The following FBXO10 variants were observed in gnomAD, a reference collection of about 807,000 sequenced individuals.
FBXO10 encodes F-box protein 10.
FBXO10 carries 39 observed loss-of-function variants against 80.7 expected under a neutral mutation model. That is an observed-to-expected ratio of 0.48 (90% confidence interval 0.37 to 0.63). The LOEUF is 0.63. Ranked by LOEUF, FBXO10 falls within the 30% of genes least tolerant of loss-of-function variation. The probability of loss-of-function intolerance (pLI) is 0.00; values close to 1 mark genes in which losing one functional copy is unlikely to be tolerated. For synonymous variants in FBXO10, 449 were observed against 489.6 expected, an observed-to-expected ratio of 0.92 and a Z score of 1.09; for missense variants, 1,025 against 1,269.0, an observed-to-expected ratio of 0.81 and a Z score of 2.92.
intron 1 of FBXO10, among the ~76,000 whole-genome samples, chr9:37,548,995 G>A (rs138937158): frequency 2.6e-5 from 4 of 152,150 alleles, no homozygotes; most frequent in East Asian, 1.9e-4. Context: ...TGATCCACCC[G>A]CCTCGGCCTC....
In FBXO10 at chr9:37,536,976, GAT is replaced by G. The variant is rs1213131963; in HGVS notation, c.1419+132_1419+133del. On this transcript the variant is annotated intron_variant, in intron 3 of 10. Coordinates refer to ENST00000432825, the MANE Select transcript of FBXO10 (RefSeq NM_012166.3). Reference sequence around the variant, plus strand: ...AAGCGTTTCTGTCCTTTCCAAATCAGATGATGGGCATGACGTCAAGCGTGCGT... The same window carrying G: ...AAGCGTTTCTGTCCTTTCCAAATCAGGATGGGCATGACGTCAAGCGTGCGT... 2.0e-5 allele frequency: 13 copies of G among 657,588 alleles called. No homozygotes were observed. The East Asian group carries it at 3.7e-4, about 19-fold the overall frequency. The allele number at this position is 657,588 out of a possible 1,614,324, so 40.7% of individuals were successfully genotyped here.
chr9:37,562,083 G>T (rs1267994556), intron 1 of FBXO10, among the ~76,000 whole-genome samples: 2 of 152,186 alleles, frequency 1.3e-5, no homozygotes, highest in Non-Finnish European at 2.9e-5. Context: ...TGAGGCACTG[G>T]AAGGAAGGCT....
At chr9:37,557,428 G>C (rs1367484031) in intron 1 of FBXO10, among the ~76,000 whole-genome samples, 1 of 152,176 alleles carries the variant, frequency 6.6e-6, no homozygotes. Context: ...TCCTCACAAA[G>C]TCATTCTCAT....
At chr9:37,549,787 G>T (rs911287194) in intron 1 of FBXO10, among the ~76,000 whole-genome samples, 1 of 152,198 alleles carries the variant, frequency 6.6e-6, no homozygotes, top group African/African-American at 2.4e-5. Context: ...ACTGGATCCA[G>T]AGGCTTGCTC....
intron 1 of FBXO10, among the ~76,000 whole-genome samples, chr9:37,562,355 TTG>T: frequency 6.6e-6 from 1 of 152,232 alleles, no homozygotes; most frequent in South Asian, 2.1e-4. Context: ...ACAAATTCTT[TTG>T]TGTGAGTGGA....
chr9:37,569,376 C>A lies in FBXO10; in HGVS notation c.-7+6835G>T, dbSNP rs774540761. Among the ~76,000 whole-genome samples, 3 of 133,810 alleles carry A rather than the reference C, an allele frequency of 2.2e-5. No individual in the cohort carries two copies. In the Middle Eastern group the frequency reaches 0.013, roughly 582 times the overall value. The allele number at this position is 133,810 out of a possible 152,430, so 87.8% of individuals were successfully genotyped here. A position where few individuals can be genotyped will look rare whatever the true frequency, so the allele number is the denominator to read the frequency against. ...ATATTTGTATATGCACCTGATAATACGGCCTTACAGATATAAAGCAAAAAA... is the reference window on the plus strand; with the variant it reads ...ATATTTGTATATGCACCTGATAATAAGGCCTTACAGATATAAAGCAAAAAA... On this transcript the variant is annotated intron_variant, in intron 1 of 10. Coordinates refer to ENST00000432825, the MANE Select transcript of FBXO10 (RefSeq NM_012166.3).
chr9:37,514,334 G>A (rs1821131857), intron 10 of FBXO10, among the ~76,000 whole-genome samples: 1 of 152,128 alleles, frequency 6.6e-6, no homozygotes, highest in Admixed American at 6.5e-5. Flanking sequence ...GCTGGCATTG[G>A]CAAAGTCCGG....
rs151195878 is a variant in FBXO10 at position 37,511,720 on chromosome 9, C to G, written c.*827G>C. ...GCTTGGGAGGGTCAGTAAAGACCAG[C>G]GCTCATCCATGAGAACACAGATGCG... On this transcript the variant is annotated 3_prime_UTR_variant, in exon 11 of 11. Coordinates refer to ENST00000432825, the MANE Select transcript of FBXO10 (RefSeq NM_012166.3). 6.5e-6 allele frequency: 1 copy of G among 152,770 alleles called. No homozygotes were observed. Among genetic ancestry groups the G allele is most frequent in the South Asian group, 2.1e-4 (1 of 4,836 alleles). The allele number at this position is 152,770 out of a possible 1,614,324, so 9.5% of individuals were successfully genotyped here. A position where few individuals can be genotyped will look rare whatever the true frequency, so the allele number is the denominator to read the frequency against.
chr9:37,555,638 C>T (rs1822316260), intron 1 of FBXO10, among the ~76,000 whole-genome samples: 1 of 152,222 alleles, frequency 6.6e-6, no homozygotes, highest in Admixed American at 6.5e-5. Flanking sequence ...ACCTTGGCCT[C>T]CCAAAGCACT....
intron 1 of FBXO10, among the ~76,000 whole-genome samples, chr9:37,552,479 C>T (rs186617545): frequency 6.6e-6 from 1 of 152,006 alleles, no homozygotes; most frequent in Admixed American, 6.6e-5. Flanking sequence ...GTCAGGAGAT[C>T]GAGACCATCC....
In FBXO10 at chr9:37,521,632, C is replaced by T. The variant is rs767425878; in HGVS notation, c.2137G>A (p.Asp713Asn). Residue 713 changes from aspartate to asparagine, a missense_variant, in exon 8 of 11, where the codon GAC becomes AAC. Asp to Asn is a conservative substitution (Grantham distance 23). Around this residue, in one of 3 missense-constraint regions of FBXO10, gnomAD observed 478 missense variants for 667.8 expected, o/e 0.72. Transcript: ENST00000432825. ...LWETELEKEDDPLRRPITIAL... is the reference protein window; with the variant it reads ...LWETELEKEDNPLRRPITIAL... ...ATGGTGATGGGCCGGCGCAGTGGGT[C>T]GTCCTCCTTCTCCAGCTCTGTCTCC... The T allele has an allele frequency of 4.7e-5, 76 of 1,613,840 alleles. No individual in the cohort carries two copies. In the Middle Eastern group the frequency reaches 9.9e-4, roughly 21 times the overall value.
At chr9:37,546,337 A>C (rs1305641761) in intron 1 of FBXO10, among the ~76,000 whole-genome samples, 1 of 151,806 alleles carries the variant, frequency 6.6e-6, no homozygotes, top group African/African-American at 2.4e-5. Context: ...GAGGCAAGGT[A>C]CCAGAATAAA....
At chr9:37,566,346 C>T (rs1170222904) in intron 1 of FBXO10, among the ~76,000 whole-genome samples, 1 of 151,784 alleles carries the variant, frequency 6.6e-6, no homozygotes, top group African/African-American at 2.4e-5. Flanking sequence ...GTAATCCCAG[C>T]TACTTGGGAG....
In FBXO10 at chr9:37,529,263, G is replaced by A. The variant is rs758652858; in HGVS notation, c.1570-3C>T. The A allele has an allele frequency of 1.8e-5, 29 of 1,602,380 alleles. No homozygotes were observed. In the South Asian group the frequency reaches 2.0e-4, roughly 11 times the overall value. On this transcript the variant is annotated splice_region_variant and splice_polypyrimidine_tract_variant and intron_variant, in intron 4 of 10. Transcript: ENST00000432825. ...AGGCCATGGTGGATCTGGTTACACT[G>A]CAAGTGAAAATGAGACACCACAGAA...
intron 1 of FBXO10, among the ~76,000 whole-genome samples, chr9:37,571,739 A>ATATATATATATATATATG: frequency 7.0e-6 from 1 of 143,336 alleles, no homozygotes; most frequent in Non-Finnish European, 1.5e-5. Context: ...ATATATATAT[A>ATATATATATATATATATG]TATATATATT....
intron 1 of FBXO10, among the ~76,000 whole-genome samples, chr9:37,574,057 C>T (rs190251185): frequency 4.0e-4 from 61 of 152,292 alleles, no homozygotes; most frequent in Admixed American, 4.0e-3. Context: ...CTGTGAAAAG[C>T]AAGTGATGTC....
intron 1 of FBXO10, among the ~76,000 whole-genome samples, chr9:37,569,097 AC>A: frequency 1.3e-5 from 2 of 152,282 alleles, no homozygotes; most frequent in Non-Finnish European, 2.9e-5. Flanking sequence ...TGACTTTAAA[AC>A]TTCCTTATAA....
chr9:37,546,606 G>A (rs1822063023), intron 1 of FBXO10, among the ~76,000 whole-genome samples: 1 of 152,132 alleles, frequency 6.6e-6, no homozygotes, highest in Non-Finnish European at 1.5e-5. Context: ...TGCTCAAGTT[G>A]CTGATAGTTT....
In FBXO10 at chr9:37,537,369, C is replaced by T; in HGVS notation, c.1160G>A (p.Gly387Asp). The part of the protein sequence containing the change: ...QVQGPRPVLG[G>D]SFLGPPLPGA... ...TGGTAGAGGTGGGCCCAGAAATGAG[C>T]CCCCCAATACAGGGCGTGGGCCCTG... is the stretch of plus-strand genomic sequence containing the variant. Residue 387 changes from glycine (G) to aspartate (D), a missense_variant, in exon 3 of 11, where the codon GGC becomes GAC. Gly to Asp is a moderately conservative substitution (Grantham distance 94). Around this residue, in one of 3 missense-constraint regions of FBXO10, gnomAD observed 450 missense variants for 499.4 expected, o/e 0.90. Coordinates refer to ENST00000432825, the MANE Select transcript of FBXO10 (RefSeq NM_012166.3). 2 of 1,597,426 alleles carry T rather than the reference C, an allele frequency of 1.3e-6. No homozygotes were observed. Among genetic ancestry groups the T allele is most frequent in the Non-Finnish European group, 1.7e-6 (2 of 1,171,466 alleles).
Sources: allele counts gnomAD v4.1 joint callset (sites outside exome capture counted in the v4.1 genomes callset), GRCh38; gene constraint gnomAD v4.1.1; regional missense constraint gnomAD v4.1.1; transcripts MANE v1.5; gene names NCBI Gene and HGNC (gene_info 2026-07-23, HGNC 2026-07-21).